TBCB: variants seen among roughly 807,000 people sequenced by gnomAD.
TBCB encodes tubulin-folding cofactor B.
A neutral mutation model predicts 29.2 loss-of-function variants in TBCB; 18 were observed. The observed-to-expected ratio is 0.62, with a 90% CI of 0.43 to 0.91. The LOEUF (loss-of-function observed/expected upper bound fraction) is 0.91, where lower values mean the gene tolerates loss of function less well. TBCB is among the 40% of genes least tolerant of loss of function. The pLI is 0.00. For missense variants in TBCB, 336 were observed against 337.6 expected (o/e 1.00, Z 0.04); for synonymous variants, 172 against 137.8 (o/e 1.25, Z -1.74).
chr19:36,122,528 A>C (rs994271686), intron 4 of TBCB, among the ~76,000 whole-genome samples: 1 of 145,050 alleles, frequency 6.9e-6, no homozygotes, highest in Non-Finnish European at 1.5e-5. Context: ...TGAACCCAGG[A>C]ATTTGAGACC....
At position 36,120,577 on chromosome 19, in the gene TBCB, G is replaced by A. The variant is rs1330653134; in HGVS notation, c.259-133G>A. On this transcript the variant is annotated intron_variant, in intron 2 of 5. Coordinates refer to ENST00000221855, the MANE Select transcript of TBCB (RefSeq NM_001281.3). ...TCTCCCTTCCGCTGGGCTCAGGAGA[G>A]AAGAGAAGGCTGCAGTACAGGCGAG... 35 of 698,386 alleles carry A rather than the reference G, an allele frequency of 5.0e-5. No homozygotes were observed. In the Admixed American group the frequency reaches 8.7e-4, roughly 17 times the overall value. The allele number at this position is 698,386 out of a possible 1,614,324, so 43.3% of individuals were successfully genotyped here.
chr19:36,115,612 TC>T lies in TBCB; in HGVS notation c.55del (p.Leu19SerfsTer61). ...CACGGTGACCGTTTTCATCAGCAGC[TC>T]CCTCAACACCTTCCGCTCCGAGAAG... is the stretch of plus-strand genomic sequence containing the variant. ...APTVTVFISS[S>X]LNTFRSEKRY... On this transcript the variant is annotated frameshift_variant, in exon 1 of 6. Transcript: ENST00000221855. LOFTEE classifies it high-confidence loss of function. 1 of 1,606,914 alleles carries T rather than the reference TC, an allele frequency of 6.2e-7. No individual in the cohort carries two copies. The highest frequency in any genetic ancestry group is 1.1e-5 in the South Asian group (1 of 90,204).
intron 4 of TBCB, among the ~76,000 whole-genome samples, chr19:36,122,612 TGTG>T (rs561746561): frequency 9.8e-4 from 147 of 150,098 alleles, no homozygotes; most frequent in African/African-American, 2.6e-3. Flanking sequence ...TTTTGTCAGT[TGTG>T]GTGGTGAGCA....
intron 3 of TBCB, 69 bp from the exon 4 acceptor site, chr19:36,121,458 C>T (rs1158361462): frequency 3.4e-6 from 5 of 1,485,442 alleles, no homozygotes; most frequent in Non-Finnish European, 4.5e-6. Context: ...GTGGGCCCCT[C>T]GTGGGTGGAG....
rs1031720146 is a variant in TBCB, at chr19:36,121,512, C to T, written c.356-15C>T. 13 of 1,548,740 alleles carry T rather than the reference C, an allele frequency of 8.4e-6. No homozygotes were observed. The highest frequency in any genetic ancestry group is 1.1e-5 in the Non-Finnish European group (13 of 1,149,748). On this transcript the variant is annotated splice_polypyrimidine_tract_variant and intron_variant, in intron 3 of 5. Coordinates refer to ENST00000221855, the MANE Select transcript of TBCB (RefSeq NM_001281.3). ...GGCCGACACCCCAACTGACCCCAGCCCCCTCTGCCCACAGACACGGTCCGC... is the reference window on the plus strand; with the variant it reads ...GGCCGACACCCCAACTGACCCCAGCTCCCTCTGCCCACAGACACGGTCCGC...
At chr19:36,115,850 G>C in intron 1 of TBCB, 176 bp downstream of exon 1, 3 of 1,068,972 alleles carry the variant, frequency 2.8e-6, no homozygotes, top group Non-Finnish European at 4.0e-6. Context: ...CGAGAGTGCA[G>C]AGATGAGGGC....
intron 1 of TBCB, 154 bp downstream of exon 1, chr19:36,115,828 C>G (rs2145905025): frequency 5.6e-6 from 6 of 1,072,634 alleles, no homozygotes; most frequent in Middle Eastern, 3.1e-4. Flanking sequence ...CGGGGCGGGT[C>G]CGGAGAGAAC....
Position 36,120,723 on chromosome 19 carries a change from G to C in TBCB, c.272G>C (p.Ser91Thr). ...DGCRIHVIDHSGARLGEYEDV... is the reference protein window; with the variant it reads ...DGCRIHVIDHTGARLGEYEDV... ...CCCCTCACACAGGTCATTGACCACA[G>C]TGGCGCCCGCCTTGGTGAGTATGAG... Residue 91 changes from serine (S) to threonine (T), a missense_variant, in exon 3 of 6, where the codon AGT becomes ACT. Coordinates refer to ENST00000221855, the MANE Select transcript of TBCB (RefSeq NM_001281.3). 1 of 1,614,138 alleles carries C rather than the reference G, an allele frequency of 6.2e-7. No homozygotes were observed. The highest frequency in any genetic ancestry group is 1.3e-5 in the African/African-American group (1 of 75,032).
intron 2 of TBCB, 73 bp from the exon 3 acceptor site, chr19:36,120,637 G>A (rs1275533836): frequency 4.6e-6 from 6 of 1,307,498 alleles, no homozygotes; most frequent in Non-Finnish European, 6.6e-6. Context: ...TGGAGACACT[G>A]AAGTCCCTGC....
In TBCB at chr19:36,116,029, T is replaced by G; in HGVS notation, c.115-12T>G. The G allele has an allele frequency of 6.2e-7, 1 of 1,610,726 alleles. No individual in the cohort carries two copies. ...GTGGCCTCCTTCTTCTCACCCTGCC[T>G]CCTCCTCACAGTGTAAACTGGAGTT... On this transcript the variant is annotated splice_polypyrimidine_tract_variant and intron_variant, in intron 1 of 5. Transcript: ENST00000221855.
At chr19:36,121,903 G>T in intron 4 of TBCB, 185 bp downstream of exon 4, 5 of 777,848 alleles carry the variant, frequency 6.4e-6, no homozygotes, top group Non-Finnish European at 1.0e-5. Context: ...CAGAGTGTTT[G>T]TGGAGGGAAG....
At chr19:36,120,251 G>A (rs768176232) in intron 2 of TBCB, among the ~76,000 whole-genome samples, 2 of 152,174 alleles carry the variant, frequency 1.3e-5, no homozygotes, top group Non-Finnish European at 2.9e-5. Flanking sequence ...CCAGCATGAG[G>A]CCCAGCTGGG....
chr19:36,122,316 A>T (rs1342821042), intron 4 of TBCB: 1 of 160,968 alleles, frequency 6.2e-6, no homozygotes, highest in Non-Finnish European at 1.4e-5. Flanking sequence ...ATGATGGCTC[A>T]CGCCTGTAAA....
chr19:36,125,898 C>T lies in TBCB; in HGVS notation c.*116C>T, dbSNP rs1974131771. ...TTAATTTTATTCATTTTTTCCTTTG[C>T]CATTGATTTTTGAGACTCATGCATT... On this transcript the variant is annotated 3_prime_UTR_variant, in exon 6 of 6. Coordinates refer to ENST00000221855, the MANE Select transcript of TBCB (RefSeq NM_001281.3). 3 of 780,840 alleles carry T rather than the reference C, an allele frequency of 3.8e-6. No individual in the cohort carries two copies. The highest frequency in any genetic ancestry group is 4.1e-4 in the Middle Eastern group (1 of 2,464). The allele number at this position is 780,840 out of a possible 1,614,324, so 48.4% of individuals were successfully genotyped here. A position where few individuals can be genotyped will look rare whatever the true frequency, so the allele number is the denominator to read the frequency against.
At chr19:36,118,736 TG>T (rs1973997614) in intron 2 of TBCB, 1 of 122,628 alleles carries the variant, frequency 8.2e-6, no homozygotes, top group African/African-American at 3.2e-5. Context: ...GCCCTAGGAG[TG>T]GGGCACAACC....
intron 4 of TBCB, chr19:36,122,073 C>G (rs1024306741): frequency 5.6e-6 from 2 of 354,032 alleles, no homozygotes; most frequent in African/African-American, 4.4e-5. Context: ...CTGTGTGAGC[C>G]CAGAGGAAGC....
Position 36,120,695 on chromosome 19 carries a change from C to T in TBCB, c.259-15C>T, listed in dbSNP as rs1470944670. The T allele has an allele frequency of 1.9e-6, 3 of 1,613,522 alleles. No individual in the cohort carries two copies. In the African/African-American group the frequency reaches 4.0e-5, roughly 22 times the overall value. ...GCCAGACCCTGATCCCCACGGAGCCCCTCCCCTCACACAGGTCATTGACCA... is the reference window on the plus strand; with the variant it reads ...GCCAGACCCTGATCCCCACGGAGCCTCTCCCCTCACACAGGTCATTGACCA... On this transcript the variant is annotated splice_polypyrimidine_tract_variant and intron_variant, in intron 2 of 5. Transcript: ENST00000221855.
chr19:36,120,023 C>A (rs1015121008), intron 2 of TBCB, among the ~76,000 whole-genome samples: 1 of 152,148 alleles, frequency 6.6e-6, no homozygotes, highest in African/African-American at 2.4e-5. Flanking sequence ...GCCGTCTGCA[C>A]CTGCCGTTCT....
chr19:36,117,366 C>CA (rs1973973371), intron 2 of TBCB, among the ~76,000 whole-genome samples: 1 of 152,132 alleles, frequency 6.6e-6, no homozygotes. Context: ...TTGTTCGAGA[C>CA]AGAGTTTTGC....
Sources: gnomAD v4.1 joint callset for allele counts (sites outside exome capture counted in the v4.1 genomes callset) on GRCh38, gnomAD v4.1.1 for gene constraint, MANE v1.5 for transcripts, NCBI Gene and HGNC (gene_info 2026-07-23, HGNC 2026-07-21) for gene names.